The following LRRC37A2 variants were observed in gnomAD, a reference collection of about 807,000 sequenced individuals.
LRRC37A2 encodes the protein leucine rich repeat containing 37 member A2.
A neutral mutation model predicts 68.8 loss-of-function variants in LRRC37A2; 9 were observed. The observed-to-expected ratio is 0.13, with a 90% confidence interval of 0.08 to 0.23. The LOEUF (loss-of-function observed/expected upper bound fraction) is 0.23. Ranked by LOEUF, LRRC37A2 falls within the 10% of genes least tolerant of loss-of-function variation. The pLI is 1.00. For synonymous variants in LRRC37A2, 63 were observed against 367.6 expected (o/e 0.17, Z 9.48); for missense variants, 168 against 950.4 (o/e 0.18, Z 10.82).
the LRRC37A2 span, among the ~76,000 whole-genome samples, chr17:46,981,338 T>G: frequency 1.3e-5 from 2 of 152,180 alleles, no homozygotes; most frequent in Non-Finnish European, 2.9e-5. Flanking sequence ...GCTGCCATTG[T>G]TTGGGTCAGG....
the LRRC37A2 span, chr17:46,973,138 A>T: frequency 6.5e-6 from 1 of 153,174 alleles, no homozygotes; most frequent in Non-Finnish European, 1.5e-5. Context: ...CCACATGTGT[A>T]CACGTATACC....
chr17:46,749,885 A>G, the LRRC37A2 span: 4 of 1,613,896 alleles, frequency 2.5e-6, no homozygotes, highest in Non-Finnish European at 3.4e-6. Flanking sequence ...GCCACAGGAG[A>G]GCAGCTGTTG....
At chr17:47,000,337 C>T in the LRRC37A2 span, among the ~76,000 whole-genome samples, 257 of 151,232 alleles carry the variant, frequency 1.7e-3, 9 homozygotes, top group South Asian at 0.051. Flanking sequence ...CGGGTTTCAG[C>T]GATTCTCCTG....
chr17:46,999,998 C>CAAAT, the LRRC37A2 span, among the ~76,000 whole-genome samples: 21 of 48,424 alleles, frequency 4.3e-4, 1 homozygote, highest in African/African-American at 1.3e-3. Flanking sequence ...GACTCCATCT[C>CAAAT]AAAATAAAAT....
chr17:46,976,017 C>T, the LRRC37A2 span, among the ~76,000 whole-genome samples: 1 of 152,004 alleles, frequency 6.6e-6, no homozygotes, highest in Non-Finnish European at 1.5e-5. Context: ...AGCTCCGCCT[C>T]CCGGGTTCAC....
chr17:46,839,338 G>A, the LRRC37A2 span, among the ~76,000 whole-genome samples: 2 of 152,222 alleles, frequency 1.3e-5, no homozygotes, highest in Non-Finnish European at 2.9e-5. Context: ...CCAGCTGTGG[G>A]TACCTGACCC....
chr17:46,867,539 A>T, the LRRC37A2 span, among the ~76,000 whole-genome samples: 1 of 152,216 alleles, frequency 6.6e-6, no homozygotes, highest in Non-Finnish European at 1.5e-5. Flanking sequence ...CCCACTCTCC[A>T]GGCAGGGGGT....
chr17:46,816,845 G>A, the LRRC37A2 span, among the ~76,000 whole-genome samples: 1 of 152,174 alleles, frequency 6.6e-6, no homozygotes, highest in African/African-American at 2.4e-5. Context: ...GCGAAAAACG[G>A]CATGGCCTTG....
chr17:46,871,401 A>G, the LRRC37A2 span, among the ~76,000 whole-genome samples: 2 of 152,160 alleles, frequency 1.3e-5, no homozygotes, highest in Non-Finnish European at 2.9e-5. Context: ...TCTAATTCCA[A>G]TTCCCACCCT....
chr17:47,011,072 C>A, the LRRC37A2 span, among the ~76,000 whole-genome samples: 1 of 152,030 alleles, frequency 6.6e-6, no homozygotes, highest in African/African-American at 2.4e-5. Flanking sequence ...AAAAAGAGAC[C>A]AGAGAGGAAA....
the LRRC37A2 span, among the ~76,000 whole-genome samples, chr17:46,707,618 T>C: frequency 6.6e-6 from 1 of 152,168 alleles, no homozygotes; most frequent in African/African-American, 2.4e-5. Flanking sequence ...AGTACCCATG[T>C]AAGTGGAATC....
At chr17:46,694,373 C>T in the LRRC37A2 span, 20 of 870,720 alleles carry the variant, frequency 2.3e-5, no homozygotes, top group Non-Finnish European at 3.2e-5. Context: ...GGAAACAGAG[C>T]GAGACTCTGT....
the LRRC37A2 span, among the ~76,000 whole-genome samples, chr17:46,863,889 G>T: frequency 6.6e-6 from 1 of 152,160 alleles, no homozygotes; most frequent in African/African-American, 2.4e-5. Flanking sequence ...ACTACTCTGG[G>T]GGTGGATCCT....
chr17:46,962,022 T>C, the LRRC37A2 span, among the ~76,000 whole-genome samples: 1 of 152,036 alleles, frequency 6.6e-6, no homozygotes, highest in Non-Finnish European at 1.5e-5. Context: ...GAGTGGGGCA[T>C]AGTTGGAATT....
At chr17:46,735,477 AAAAG>A in the LRRC37A2 span, among the ~76,000 whole-genome samples, 5 of 152,174 alleles carry the variant, frequency 3.3e-5, no homozygotes, top group Admixed American at 6.5e-5. Context: ...AAAAAAAAAA[AAAAG>A]AAACCTATGT....
the LRRC37A2 span, among the ~76,000 whole-genome samples, chr17:46,826,082 C>G: frequency 1.3e-5 from 2 of 152,230 alleles, no homozygotes; most frequent in African/African-American, 4.8e-5. Flanking sequence ...TCTCAGGGGT[C>G]TTGCGGGGAA....
At chr17:46,943,229 C>A in the LRRC37A2 span, among the ~76,000 whole-genome samples, 1 of 152,160 alleles carries the variant, frequency 6.6e-6, no homozygotes, top group Non-Finnish European at 1.5e-5. Flanking sequence ...AAGCCTGATT[C>A]TCCCTCTGGA....
chr17:46,891,918 CTTTT>C, the LRRC37A2 span, among the ~76,000 whole-genome samples: 4 of 71,812 alleles, frequency 5.6e-5, no homozygotes, highest in Admixed American at 1.7e-4. Flanking sequence ...CTTTTCTTTT[CTTTT>C]TTTTTTTTTT....
chr17:46,836,139 G>GTGTGTGTGTGTGTGTGT, the LRRC37A2 span, among the ~76,000 whole-genome samples: 1 of 73,516 alleles, frequency 1.4e-5, no homozygotes, highest in African/African-American at 7.5e-5. Context: ...TGTGTGTCTC[G>GTGTGTGTGTGTGTGTGT]GTTGTGGTGG....
Sources: allele counts gnomAD v4.1 joint callset (sites outside exome capture counted in the v4.1 genomes callset), GRCh38; gene constraint gnomAD v4.1.1; transcripts MANE v1.5; gene names NCBI Gene and HGNC (gene_info 2026-07-23, HGNC 2026-07-21).